The following RALYL variants were observed in gnomAD, a reference collection of about 807,000 sequenced individuals.
RALYL encodes the protein RALY RNA binding protein like, also known as RNA-binding Raly-like protein.
RALYL carries 29 observed loss-of-function variants against 35.1 expected under a neutral mutation model. The observed-to-expected ratio is 0.83, with a 90% confidence interval of 0.61 to 1.13. The LOEUF (loss-of-function observed/expected upper bound fraction) is 1.13. Among genes scored for constraint, RALYL ranks in the 50% most tolerant of loss-of-function variants. RALYL has a pLI of 0.00. For missense variants in RALYL, 359 were observed against 360.4 expected (o/e 1.00, Z 0.03); for synonymous variants, 120 against 127.6 (o/e 0.94, Z 0.40).
intron 1 of RALYL, among the ~76,000 whole-genome samples, chr8:84,407,478 G>T (rs2043659643): frequency 6.6e-6 from 1 of 152,060 alleles, no homozygotes; most frequent in Admixed American, 6.6e-5. Context: ...ACAATTATCA[G>T]TATCTACAGT....
chr8:84,604,250 G>A lies in RALYL; in HGVS notation c.256+74673G>A, dbSNP rs187273724. Among the ~76,000 whole-genome samples, 595 of 152,134 alleles carry A rather than the reference G, an allele frequency of 3.9e-3. 3 individuals are homozygous for A. The highest frequency in any genetic ancestry group is 5.1e-3 in the Non-Finnish European group (347 of 67,986). On this transcript the variant is annotated intron_variant, in intron 2 of 8. Coordinates refer to ENST00000521268, the MANE Select transcript of RALYL (RefSeq NM_173848.7). ...TTGTATTTTAGGTTGCTTGTAAGCC[G>A]TGAAATTCAGGAAAGTATACTAAGT...
intron 2 of RALYL, among the ~76,000 whole-genome samples, chr8:84,771,457 T>C (rs954692437): frequency 7.9e-5 from 12 of 152,120 alleles, no homozygotes; most frequent in African/African-American, 2.9e-4. Flanking sequence ...TTAAGTTTAT[T>C]AGAAACTGAT....
intron 1 of RALYL, among the ~76,000 whole-genome samples, chr8:84,422,039 G>T (rs948348305): frequency 7.9e-5 from 12 of 152,062 alleles, no homozygotes; most frequent in Non-Finnish European, 4.4e-5. Flanking sequence ...CCTGACTTTG[G>T]TATCAGGATG....
intron 1 of RALYL, among the ~76,000 whole-genome samples, chr8:84,327,074 T>G (rs73291393): frequency 0.047 from 7,214 of 152,158 alleles, 267 homozygotes; most frequent in African/African-American, 0.083. Flanking sequence ...ATATAAAAAT[T>G]AATGAAATAT....
chr8:84,201,688 T>A (rs1391507101), intron 1 of RALYL, among the ~76,000 whole-genome samples: 5 of 151,962 alleles, frequency 3.3e-5, no homozygotes, highest in Admixed American at 6.6e-5. Flanking sequence ...TTAGCCTCTC[T>A]AGTAGCTGGG....
chr8:84,240,625 T>C (rs1469911446), intron 1 of RALYL, among the ~76,000 whole-genome samples: 1 of 152,216 alleles, frequency 6.6e-6, no homozygotes, highest in Admixed American at 6.5e-5. Context: ...GAGGGGTCTT[T>C]ATACTTCAGC....
At chr8:84,505,402 G>A (rs934070603) in intron 1 of RALYL, among the ~76,000 whole-genome samples, 9 of 151,648 alleles carry the variant, frequency 5.9e-5, no homozygotes, top group Non-Finnish European at 1.3e-4. Context: ...AGTATTGGAA[G>A]GAGTCATTTT....
intron 1 of RALYL, among the ~76,000 whole-genome samples, chr8:84,221,057 A>G (rs1237319131): frequency 2.0e-5 from 3 of 152,010 alleles, no homozygotes; most frequent in African/African-American, 4.8e-5. Context: ...TCCTAATGAT[A>G]TGGTTGACTG....
chr8:84,735,357 G>A (rs186797824), intron 2 of RALYL, among the ~76,000 whole-genome samples: 9 of 152,006 alleles, frequency 5.9e-5, no homozygotes, highest in African/African-American at 2.2e-4. Context: ...AGTATCTTAG[G>A]TTAAAAAACA....
At chr8:84,622,811 T>C (rs1821843204) in intron 2 of RALYL, among the ~76,000 whole-genome samples, 1 of 152,148 alleles carries the variant, frequency 6.6e-6, no homozygotes, top group Non-Finnish European at 1.5e-5. Flanking sequence ...ATTTGAAAAA[T>C]AGACATATCT....
At position 84,311,090 on chromosome 8, in the gene RALYL, A is replaced by AAAAAAAAAAAAAAAAAAAAAAAAAAT. The variant is rs1554614840; in HGVS notation, c.-24+126667_-24+126668insAAAAAAAAAAAAAAAAAAAAAAAATA. The stretch of plus-strand genomic sequence containing the variant: ...AAAAAAAAAAAAAAAAAAAAAAAAA[A>AAAAAAAAAAAAAAAAAAAAAAAAAAT]ATGTATATTAATGTATAGTATAAAT... On this transcript the variant is annotated intron_variant, in intron 1 of 8. Coordinates refer to ENST00000521268, the MANE Select transcript of RALYL (RefSeq NM_173848.7). 4.0e-5 allele frequency among the ~76,000 whole-genome samples: 4 copies of AAAAAAAAAAAAAAAAAAAAAAAAAAT among 99,720 alleles called. 1 individual carries two copies. Among genetic ancestry groups the AAAAAAAAAAAAAAAAAAAAAAAAAAT allele is most frequent in the South Asian group, 2.9e-4 (1 of 3,412 alleles). The allele number at this position is 99,720 out of a possible 152,430, so 65.4% of individuals were successfully genotyped here.
At chr8:84,182,897 C>G (rs1437393011), upstream of RALYL, 1 of 152,616 alleles carries the variant, frequency 6.6e-6, no homozygotes, top group East Asian at 1.9e-4. Flanking sequence ...TGAATGTGGG[C>G]TTGAATAGTA....
intron 1 of RALYL, among the ~76,000 whole-genome samples, chr8:84,525,692 C>A (rs985553246): frequency 2.0e-5 from 3 of 152,016 alleles, no homozygotes; most frequent in Non-Finnish European, 2.9e-5. Flanking sequence ...CTACATTTTA[C>A]ATATTCTCTA....
intron 3 of RALYL, among the ~76,000 whole-genome samples, chr8:84,797,800 G>A (rs1822297370): frequency 6.6e-6 from 1 of 152,126 alleles, no homozygotes; most frequent in African/African-American, 2.4e-5. Context: ...CTCCTTGCTG[G>A]CTTGAGTAAG....
At chr8:84,303,741 T>A (rs578204003) in intron 1 of RALYL, among the ~76,000 whole-genome samples, 1 of 152,328 alleles carries the variant, frequency 6.6e-6, no homozygotes, top group African/African-American at 2.4e-5. Context: ...TTCAGAATAA[T>A]GATATATTTT....
chr8:84,278,009 T>C (rs556957401), intron 1 of RALYL, among the ~76,000 whole-genome samples: 1 of 152,350 alleles, frequency 6.6e-6, no homozygotes, highest in East Asian at 1.9e-4. Context: ...CACTAGGCAG[T>C]GCCCCAGAGG....
chr8:84,588,248 C>T (rs949754690), intron 2 of RALYL, among the ~76,000 whole-genome samples: 1 of 152,154 alleles, frequency 6.6e-6, no homozygotes, highest in Non-Finnish European at 1.5e-5. Context: ...TCTGATTCCC[C>T]TGTCACCTTT....
chr8:84,426,432 C>CTG (rs1426166925), intron 1 of RALYL, among the ~76,000 whole-genome samples: 1 of 67,140 alleles, frequency 1.5e-5, no homozygotes, highest in Admixed American at 1.8e-4. Flanking sequence ...CGTTCTCTCT[C>CTG]TCTCTCTGTG....
intron 1 of RALYL, among the ~76,000 whole-genome samples, chr8:84,191,838 A>T (rs1813965036): frequency 6.6e-6 from 1 of 152,232 alleles, no homozygotes; most frequent in South Asian, 2.1e-4. Flanking sequence ...TTCTTAGTTG[A>T]TGAGGGACAG....
Sources: allele counts gnomAD v4.1 joint callset (sites outside exome capture counted in the v4.1 genomes callset), GRCh38; gene constraint gnomAD v4.1.1; transcripts MANE v1.5; gene names NCBI Gene and HGNC (gene_info 2026-07-23, HGNC 2026-07-21).